OXR1: variants seen among roughly 807,000 people sequenced by gnomAD.
The protein encoded by OXR1 is oxidation resistance 1, also known as oxidation resistance protein 1.
Under a neutral mutation model 104.6 loss-of-function variants are expected in OXR1, and 41 were observed. That is an observed-to-expected ratio of 0.39 (90% CI 0.31 to 0.51). The LOEUF is 0.51. Ranked by LOEUF, OXR1 falls within the 20% of genes least tolerant of loss-of-function variation. OXR1 has a pLI of 0.77. For missense variants in OXR1, 955 were observed against 1,031.9 expected (o/e 0.93, Z 1.02); for synonymous variants, 348 against 348.4 (o/e 1.00, Z 0.01).
At chr8:106,352,205 T>C (rs904096266) in intron 1 of OXR1, among the ~76,000 whole-genome samples, 6 of 152,334 alleles carry the variant, frequency 3.9e-5, no homozygotes, top group Admixed American at 2.6e-4. Context: ...GTTCCAAATA[T>C]ATCTCAGAGG....
chr8:106,588,223 T>C (rs1000435829), intron 3 of OXR1, among the ~76,000 whole-genome samples: 1 of 152,080 alleles, frequency 6.6e-6, no homozygotes, highest in Non-Finnish European at 1.5e-5. Context: ...CCTCCCAAAG[T>C]GCTGGAATTA....
chr8:106,657,843 TCCTC>T (rs1586983221), intron 3 of OXR1: 1 of 1,237,428 alleles, frequency 8.1e-7, no homozygotes, highest in African/African-American at 1.6e-5. Context: ...GGACGCCCCC[TCCTC>T]CTCCCCGCCT....
intron 11 of OXR1, among the ~76,000 whole-genome samples, chr8:106,717,481 A>G (rs975510261): frequency 6.6e-6 from 1 of 152,188 alleles, no homozygotes; most frequent in African/African-American, 2.4e-5. Flanking sequence ...TGCTTTAGTG[A>G]TACTTAAAAA....
chr8:106,442,819 C>T (rs1348710743), intron 2 of OXR1, among the ~76,000 whole-genome samples: 1 of 152,028 alleles, frequency 6.6e-6, no homozygotes, highest in African/African-American at 2.4e-5. Flanking sequence ...CCCTCTTAGT[C>T]TAGCTATCGG....
chr8:106,394,686 T>C (rs1817709299), intron 2 of OXR1, among the ~76,000 whole-genome samples: 1 of 152,118 alleles, frequency 6.6e-6, no homozygotes, highest in South Asian at 2.1e-4. Context: ...CCCAGGAAGC[T>C]ACATATTTGA....
rs182472987 is a variant in OXR1, at chr8:106,553,754, T to C, written c.220+34615T>C. 9.4e-4 allele frequency among the ~76,000 whole-genome samples: 143 copies of C among 152,322 alleles called. 1 individual carries two copies. The highest frequency in any genetic ancestry group is 8.6e-3 in the Admixed American group (132 of 15,296). ...CACCCCTACCATAAACTTCACTTCT[T>C]GCCTCCAGTTTTCTTAAGATTCGGC... On this transcript the variant is annotated intron_variant, in intron 3 of 16. Coordinates refer to ENST00000517566, the MANE Select transcript of OXR1 (RefSeq NM_001198533.2).
intron 3 of OXR1, among the ~76,000 whole-genome samples, chr8:106,624,686 A>G (rs774250036): frequency 1.3e-5 from 2 of 152,228 alleles, no homozygotes; most frequent in African/African-American, 4.8e-5. Context: ...TATTTATTGT[A>G]GAAAATAACT....
At chr8:106,329,438 C>A (rs1024721904) in intron 1 of OXR1, among the ~76,000 whole-genome samples, 1 of 151,020 alleles carries the variant, frequency 6.6e-6, no homozygotes, top group African/African-American at 2.4e-5. Context: ...AGCTCCGCTT[C>A]CCGGGTTCAC....
chr8:106,738,782 A>G (rs965639697), intron 12 of OXR1, among the ~76,000 whole-genome samples: 1 of 151,854 alleles, frequency 6.6e-6, no homozygotes, highest in Admixed American at 6.6e-5. Flanking sequence ...ATTCTTTGTA[A>G]TGCAACACAT....
chr8:106,323,252 C>G (rs1342525831), intron 1 of OXR1, among the ~76,000 whole-genome samples: 1 of 152,178 alleles, frequency 6.6e-6, no homozygotes, highest in East Asian at 1.9e-4. Context: ...ACCACTTGAT[C>G]TTTAACAAAA....
intron 3 of OXR1, among the ~76,000 whole-genome samples, chr8:106,532,652 C>T (rs2130250683): frequency 6.6e-6 from 1 of 152,242 alleles, no homozygotes. Context: ...GTATATAAAT[C>T]TAGATGAATT....
Position 106,692,788 on chromosome 8 carries a change from G to A in OXR1, c.586G>A (p.Ala196Thr). Reference protein sequence around the residue: ...PSSTFTGIRPARVVSSTSEEE... With the variant: ...PSSTFTGIRPTRVVSSTSEEE... ...ATCTACTTTCACTGGTATTCGACCTGCACGAGTTGTATCTTCAACTTCTGA... is the reference window on the plus strand; with the variant it reads ...ATCTACTTTCACTGGTATTCGACCTACACGAGTTGTATCTTCAACTTCTGA... The change falls in exon 7 of 17, where the codon GCA becomes ACA. Residue 196 changes from alanine to threonine, a missense_variant. This residue lies in a region of OXR1 where 849 missense variants were observed against 852.9 expected (regional missense o/e 1.00). Transcript: ENST00000517566. The A allele has an allele frequency of 6.2e-7, 1 of 1,602,036 alleles. No individual in the cohort carries two copies. The highest frequency in any genetic ancestry group is 8.5e-7 in the Non-Finnish European group (1 of 1,172,168).
At chr8:106,533,944 G>A (rs930154621) in intron 3 of OXR1, among the ~76,000 whole-genome samples, 7 of 151,886 alleles carry the variant, frequency 4.6e-5, no homozygotes, top group African/African-American at 1.2e-4. Flanking sequence ...AACTCCCAAC[G>A]TCAGGTGATC....
intron 16 of OXR1, among the ~76,000 whole-genome samples, chr8:106,748,839 G>A (rs186640162): frequency 3.3e-5 from 5 of 151,340 alleles, no homozygotes; most frequent in African/African-American, 7.3e-5. Flanking sequence ...CAAAGTGCTG[G>A]GATTATAGGC....
At chr8:106,461,568 T>A (rs1820920306) in intron 2 of OXR1, among the ~76,000 whole-genome samples, 1 of 151,938 alleles carries the variant, frequency 6.6e-6, no homozygotes, top group African/African-American at 2.4e-5. Context: ...GTCTCAAAAA[T>A]AAAAACAAAT....
At chr8:106,533,457 AAG>A (rs1227661604) in intron 3 of OXR1, among the ~76,000 whole-genome samples, 2 of 152,180 alleles carry the variant, frequency 1.3e-5, no homozygotes, top group African/African-American at 4.8e-5. Context: ...TCTTTATTCA[AAG>A]AGAGAGAGGA....
chr8:106,642,971 T>A (rs778303962), intron 3 of OXR1, among the ~76,000 whole-genome samples: 21 of 152,248 alleles, frequency 1.4e-4, no homozygotes, highest in Non-Finnish European at 1.9e-4. Context: ...TTCTTTAGAT[T>A]AATGTGTTCA....
chr8:106,742,296 T>C lies in OXR1; in HGVS notation c.2391T>C (p.Phe797=). Residue 797 remains phenylalanine, a synonymous_variant, in exon 15 of 17, where the codon TTT becomes TTC. Transcript: ENST00000517566. ...GFYGTGETFV[F]TFCPEFEVFK... The stretch of plus-strand genomic sequence containing the variant: ...ATGGTACTGGAGAGACCTTTGTTTT[T>C]ACATTCTGTCCGGAGTTTGAGGTAA... The C allele has an allele frequency of 6.2e-7, 1 of 1,607,866 alleles. No homozygotes were observed.
chr8:106,613,361 T>C (rs1204637332), intron 3 of OXR1, among the ~76,000 whole-genome samples: 2 of 152,234 alleles, frequency 1.3e-5, no homozygotes, highest in Non-Finnish European at 2.9e-5. Context: ...TATGGGAATT[T>C]TGTGATGTAT....
Sources: allele counts gnomAD v4.1 joint callset (sites outside exome capture counted in the v4.1 genomes callset), GRCh38; gene constraint gnomAD v4.1.1; regional missense constraint gnomAD v4.1.1; transcripts MANE v1.5; gene names NCBI Gene and HGNC (gene_info 2026-07-23, HGNC 2026-07-21).